Variants in PLXDC2 observed in about 807,000 individuals in gnomAD.
The protein encoded by PLXDC2 is plexin domain-containing protein 2.
A neutral mutation model predicts 68.9 loss-of-function variants in PLXDC2; 40 were observed. The ratio of observed to expected loss-of-function variants is 0.58; its 90% CI spans 0.45 to 0.76. The LOEUF is 0.76. PLXDC2 is among the 30% of genes least tolerant of loss of function. The pLI is 0.00. For missense variants in PLXDC2, 644 were observed against 661.9 expected (o/e 0.97, Z 0.30); for synonymous variants, 243 against 234.2 (o/e 1.04, Z -0.34).
intron 4 of PLXDC2, among the ~76,000 whole-genome samples, chr10:20,135,061 T>A (rs1833917119): frequency 6.6e-6 from 1 of 152,242 alleles, no homozygotes; most frequent in Non-Finnish European, 1.5e-5. Flanking sequence ...GGTGCTATAA[T>A]CTCTCACCTG....
intron 1 of PLXDC2, among the ~76,000 whole-genome samples, chr10:19,884,856 G>C (rs1273376093): frequency 6.6e-6 from 1 of 152,128 alleles, no homozygotes; most frequent in Non-Finnish European, 1.5e-5. Flanking sequence ...ATAGTCCTTT[G>C]GGTATATACC....
intron 4 of PLXDC2, among the ~76,000 whole-genome samples, chr10:20,122,907 A>G (rs1833718931): frequency 6.6e-6 from 1 of 152,198 alleles, no homozygotes; most frequent in Non-Finnish European, 1.5e-5. Flanking sequence ...TTTAGGGTCT[A>G]GGGCTGTAAA....
chr10:19,864,111 C>T (rs977937784), intron 1 of PLXDC2, among the ~76,000 whole-genome samples: 3 of 152,088 alleles, frequency 2.0e-5, no homozygotes, highest in African/African-American at 7.2e-5. Context: ...AATGTTTCTC[C>T]CACCTCTGCC....
At chr10:20,014,220 C>T (rs11594366) in intron 2 of PLXDC2, among the ~76,000 whole-genome samples, 9,197 of 141,698 alleles carry the variant, frequency 0.065, 338 homozygotes, top group Middle Eastern at 0.11. Context: ...TTCCTTCCTT[C>T]CCTCCTTCCT....
chr10:20,074,790 A>G lies in PLXDC2; in HGVS notation c.541+6551A>G, dbSNP rs777409867. Among the ~76,000 whole-genome samples the G allele has an allele frequency of 3.3e-5, 5 of 152,206 alleles. No homozygotes were observed. The South Asian group carries it at 6.2e-4, about 19-fold the overall frequency. On this transcript the variant is annotated intron_variant, in intron 4 of 13. Coordinates refer to ENST00000377252, the MANE Select transcript of PLXDC2 (RefSeq NM_032812.9). ...ACCAACAACATCTTCTTTCAAGTGT[A>G]TAACCCCATAAAACAAAGCATGGTG...
At chr10:19,901,185 G>C (rs2131367579) in intron 1 of PLXDC2, among the ~76,000 whole-genome samples, 1 of 152,160 alleles carries the variant, frequency 6.6e-6, no homozygotes, top group African/African-American at 2.4e-5. Flanking sequence ...CCTCTGGGTA[G>C]ACACCTAGTA....
chr10:19,964,670 A>G (rs537855729), intron 1 of PLXDC2, among the ~76,000 whole-genome samples: 46 of 151,846 alleles, frequency 3.0e-4, no homozygotes, highest in Non-Finnish European at 5.2e-4. Context: ...CTGTGTTTTT[A>G]TTTGTTTTCG....
chr10:20,187,678 A>G (rs547985912), intron 9 of PLXDC2, among the ~76,000 whole-genome samples: 4 of 152,012 alleles, frequency 2.6e-5, no homozygotes, highest in Admixed American at 6.6e-5. Flanking sequence ...TTTAGAAAAC[A>G]TCATCAAAAT....
intron 12 of PLXDC2, 28 bp downstream of exon 12, chr10:20,219,130 A>G: frequency 6.3e-7 from 1 of 1,584,458 alleles, no homozygotes. Context: ...TCTTTCATAA[A>G]CATCTTTTAA....
intron 9 of PLXDC2, among the ~76,000 whole-genome samples, chr10:20,180,787 C>T (rs1028073282): frequency 6.6e-6 from 1 of 152,068 alleles, no homozygotes; most frequent in Non-Finnish European, 1.5e-5. Flanking sequence ...GTTAGAGGAA[C>T]ATAAGGAGAT....
chr10:20,017,052 A>G (rs1163932624), intron 2 of PLXDC2, among the ~76,000 whole-genome samples: 3 of 152,220 alleles, frequency 2.0e-5, no homozygotes, highest in Non-Finnish European at 2.9e-5. Context: ...CACAAATTGA[A>G]ATGCTGCAAA....
At chr10:20,092,673 C>A (rs1375832649) in intron 4 of PLXDC2, among the ~76,000 whole-genome samples, 10 of 151,898 alleles carry the variant, frequency 6.6e-5, no homozygotes, top group African/African-American at 9.7e-5. Context: ...GTAAATGTTA[C>A]CTCATAAAGA....
At chr10:20,044,205 CTCTCTGTCTTTCTTTCTT>C (rs1377965687) in intron 2 of PLXDC2, among the ~76,000 whole-genome samples, 53 of 105,066 alleles carry the variant, frequency 5.0e-4, no homozygotes, top group East Asian at 1.3e-3. Flanking sequence ...CTCTCTCTCT[CTCTCTGTCTTTCTTTCTT>C]TCTTTCTTTC....
intron 3 of PLXDC2, among the ~76,000 whole-genome samples, chr10:20,057,763 A>G (rs548541781): frequency 1.0e-3 from 155 of 152,250 alleles, no homozygotes; most frequent in African/African-American, 3.5e-3. Flanking sequence ...GGTGAAGCAC[A>G]TTAGTCCTGA....
chr10:20,232,531 T>C (rs929148366), intron 12 of PLXDC2, among the ~76,000 whole-genome samples: 1 of 152,048 alleles, frequency 6.6e-6, no homozygotes, highest in African/African-American at 2.4e-5. Flanking sequence ...ACACAAGGGG[T>C]TACTACTCAG....
At chr10:20,052,722 C>CAAAAA (rs59776582) in intron 3 of PLXDC2, among the ~76,000 whole-genome samples, 12 of 92,746 alleles carry the variant, frequency 1.3e-4, no homozygotes, top group East Asian at 3.1e-4. Flanking sequence ...ACAAATTATG[C>CAAAAA]AAAAAAAAAA....
intron 1 of PLXDC2, among the ~76,000 whole-genome samples, chr10:19,900,633 G>A (rs1838142723): frequency 6.6e-6 from 1 of 151,920 alleles, no homozygotes; most frequent in South Asian, 2.1e-4. Context: ...ATAGGTTTTG[G>A]GGGAGTAGGT....
At chr10:19,869,049 G>A (rs559697475) in intron 1 of PLXDC2, among the ~76,000 whole-genome samples, 1 of 152,172 alleles carries the variant, frequency 6.6e-6, no homozygotes, top group Admixed American at 6.5e-5. Flanking sequence ...ATAGGCTTTA[G>A]AGTTAGAGAA....
At chr10:20,186,561 C>T (rs1422880348) in intron 9 of PLXDC2, among the ~76,000 whole-genome samples, 1 of 151,898 alleles carries the variant, frequency 6.6e-6, no homozygotes, top group Non-Finnish European at 1.5e-5. Context: ...TCCTCTCCAT[C>T]CTCCCACCCT....
Sources: allele counts gnomAD v4.1 joint callset (sites outside exome capture counted in the v4.1 genomes callset), GRCh38; gene constraint gnomAD v4.1.1; transcripts MANE v1.5; gene names NCBI Gene and HGNC (gene_info 2026-07-23, HGNC 2026-07-21).